The following TRIQK variants were observed in gnomAD, a reference collection of about 807,000 sequenced individuals.
TRIQK encodes the protein triple QxxK/R motif-containing protein.
In TRIQK, 10 loss-of-function variants were observed where a neutral mutation model predicts 10.8. That is an observed-to-expected ratio of 0.92 (90% CI 0.57 to 1.57). The LOEUF (loss-of-function observed/expected upper bound fraction) is 1.57, where lower values mean the gene tolerates loss of function less well. Among genes scored for constraint, TRIQK ranks in the 40% most tolerant of loss-of-function variants. The pLI, the probability that TRIQK is intolerant of heterozygous loss-of-function variation, is 0.00. For missense variants in TRIQK, 107 were observed against 97.7 expected, an observed-to-expected ratio of 1.09 and a Z score of -0.40; for synonymous variants, 33 against 33.7, an observed-to-expected ratio of 0.98 and a Z score of 0.07.
At chr8:93,013,797 A>G (rs1319048849) in intron 1 of TRIQK, among the ~76,000 whole-genome samples, 1 of 152,188 alleles carries the variant, frequency 6.6e-6, no homozygotes, top group Non-Finnish European at 1.5e-5. Context: ...TAGCAGCCCA[A>G]TTCTAATAAA....
chr8:92,936,223 A>G (rs975279088), intron 2 of TRIQK, among the ~76,000 whole-genome samples: 4 of 151,706 alleles, frequency 2.6e-5, no homozygotes, highest in African/African-American at 7.2e-5. Context: ...AATCCTAAAC[A>G]TAATATTAGA....
At chr8:92,974,994 T>TTCTCC (rs1812916721) in intron 1 of TRIQK, among the ~76,000 whole-genome samples, 1 of 152,214 alleles carries the variant, frequency 6.6e-6, no homozygotes, top group Non-Finnish European at 1.5e-5. Context: ...CAGGGTTCCA[T>TTCTCC]TCTCCTCTGA....
intron 1 of TRIQK, among the ~76,000 whole-genome samples, chr8:93,010,089 A>C (rs981182714): frequency 3.3e-5 from 5 of 152,176 alleles, no homozygotes; most frequent in Non-Finnish European, 7.4e-5. Flanking sequence ...AGAGTATAAC[A>C]GTGGTTATCA....
chr8:92,920,758 T>C (rs1810137165), intron 2 of TRIQK, among the ~76,000 whole-genome samples: 1 of 151,820 alleles, frequency 6.6e-6, no homozygotes, highest in African/African-American at 2.4e-5. Context: ...GTAAGAAGGT[T>C]ACTAAAATGT....
chr8:92,961,616 T>C (rs566644533), intron 1 of TRIQK, among the ~76,000 whole-genome samples: 3 of 152,362 alleles, frequency 2.0e-5, no homozygotes, highest in African/African-American at 2.4e-5. Context: ...CCACCTGCTA[T>C]AGGTAATAAA....
At chr8:92,974,854 CT>C (rs1304603263) in intron 1 of TRIQK, 1 of 152,188 alleles carries the variant, frequency 6.6e-6, no homozygotes, top group Admixed American at 6.5e-5. Flanking sequence ...CAGTTTTAGC[CT>C]TATGTCTTCT....
chr8:92,945,204 T>C (rs571116515), intron 2 of TRIQK, among the ~76,000 whole-genome samples: 3 of 152,308 alleles, frequency 2.0e-5, no homozygotes, highest in Admixed American at 6.5e-5. Context: ...TGGACAGCAC[T>C]GGCCATTACC....
At chr8:92,987,418 CAG>C (rs761293291) in intron 1 of TRIQK, among the ~76,000 whole-genome samples, 32 of 152,304 alleles carry the variant, frequency 2.1e-4, no homozygotes, top group Non-Finnish European at 3.7e-4. Context: ...GGGAACTCTA[CAG>C]AGAGTTATTT....
intron 1 of TRIQK, among the ~76,000 whole-genome samples, chr8:92,980,301 T>C (rs2130743263): frequency 6.6e-6 from 1 of 152,210 alleles, no homozygotes; most frequent in Non-Finnish European, 1.5e-5. Context: ...TTTTAAAATA[T>C]GCTACTCAAA....
At chr8:93,014,412 GA>G (rs1339482465) in intron 1 of TRIQK, among the ~76,000 whole-genome samples, 1 of 151,868 alleles carries the variant, frequency 6.6e-6, no homozygotes, top group African/African-American at 2.4e-5. Flanking sequence ...CAACTATGAG[GA>G]AAAAAGTCTT....
At chr8:92,936,679 G>C (rs1341588912) in intron 2 of TRIQK, among the ~76,000 whole-genome samples, 2 of 151,476 alleles carry the variant, frequency 1.3e-5, no homozygotes. Flanking sequence ...AAAGAGCATA[G>C]GGGATTGGAA....
chr8:93,001,390 C>T (rs1382871954), intron 1 of TRIQK, among the ~76,000 whole-genome samples: 1 of 150,766 alleles, frequency 6.6e-6, no homozygotes, highest in Non-Finnish European at 1.5e-5. Context: ...CTACAAAAGA[C>T]TCACTTCATC....
chr8:92,894,450 GA>G (rs147116686), intron 3 of TRIQK, among the ~76,000 whole-genome samples: 11 of 147,674 alleles, frequency 7.4e-5, no homozygotes, highest in African/African-American at 9.9e-5. Flanking sequence ...ACACCTAAGG[GA>G]AAAAAAAAAC....
At chr8:92,908,699 TA>T (rs753754094) in intron 3 of TRIQK, among the ~76,000 whole-genome samples, 1 of 152,192 alleles carries the variant, frequency 6.6e-6, no homozygotes, top group East Asian at 1.9e-4. Flanking sequence ...TGTCCATTTA[TA>T]TAGACCACAC....
At chr8:92,908,089 T>C (rs1308922691) in intron 3 of TRIQK, among the ~76,000 whole-genome samples, 3 of 152,112 alleles carry the variant, frequency 2.0e-5, no homozygotes, top group African/African-American at 7.2e-5. Flanking sequence ...AAAAACAAAA[T>C]AGATTACTTT....
At chr8:92,995,926 G>A (rs1813150236) in intron 1 of TRIQK, among the ~76,000 whole-genome samples, 1 of 151,972 alleles carries the variant, frequency 6.6e-6, no homozygotes, top group African/African-American at 2.4e-5. Context: ...CATGTGACGG[G>A]AATTCTAAGA....
chr8:92,971,492 A>C (rs1258471348), intron 1 of TRIQK, among the ~76,000 whole-genome samples: 4 of 152,138 alleles, frequency 2.6e-5, no homozygotes, highest in Non-Finnish European at 1.5e-5. Context: ...GCAATTTTAT[A>C]CACCAACAAT....
chr8:93,014,095 A>C (rs971657994), intron 1 of TRIQK, among the ~76,000 whole-genome samples: 1 of 152,172 alleles, frequency 6.6e-6, no homozygotes, highest in Non-Finnish European at 1.5e-5. Flanking sequence ...AAAATGTGAA[A>C]CAGCAGGATT....
At chr8:92,990,211 A>G (rs1813082760) in intron 1 of TRIQK, among the ~76,000 whole-genome samples, 1 of 152,232 alleles carries the variant, frequency 6.6e-6, no homozygotes, top group Non-Finnish European at 1.5e-5. Context: ...TGCTTGTCAT[A>G]AAGATTTTCT....
Sources: allele counts gnomAD v4.1 joint callset (sites outside exome capture counted in the v4.1 genomes callset), GRCh38; gene constraint gnomAD v4.1.1; transcripts MANE v1.5; gene names NCBI Gene and HGNC (gene_info 2026-07-23, HGNC 2026-07-21).